Variants in OXNAD1 observed in about 807,000 individuals in gnomAD.
The protein encoded by OXNAD1 is oxidoreductase NAD binding domain containing 1, also known as oxidoreductase NAD-binding domain-containing protein 1.
OXNAD1 carries 34 observed loss-of-function variants against 32.9 expected under a neutral mutation model. The observed-to-expected ratio is 1.03, with a 90% confidence interval of 0.79 to 1.38. The LOEUF is 1.38. Ranked by LOEUF, OXNAD1 falls within the 40% of genes most tolerant of loss-of-function variation. The pLI, the probability that OXNAD1 is intolerant of heterozygous loss-of-function variation, is 0.00. For synonymous variants in OXNAD1, 134 were observed against 135.2 expected (o/e 0.99, Z 0.06); for missense variants, 407 against 379.4 (o/e 1.07, Z -0.60).
rs747984757 is a variant in OXNAD1 at position 16,345,389 on chromosome 3, C to CCCT, written c.*31-3786_*31-3784dup. The CCCT allele has an allele frequency of 1.3e-5, 2 of 151,972 alleles. No homozygotes were observed. Among genetic ancestry groups the CCCT allele is most frequent in the Non-Finnish European group, 2.9e-5 (2 of 68,026 alleles). 9.4% of individuals were successfully genotyped at this position (151,972 alleles called of 1,614,324 possible). A position where few individuals can be genotyped will look rare whatever the true frequency, so the allele number is the denominator to read the frequency against. On this transcript the variant is annotated intron_variant, in intron 9 of 9. Transcript: ENST00000606098. The surrounding 1 kb of genome is among the most constrained non-coding windows in gnomAD (Gnocchi z 5.2). Reference sequence around the variant, plus strand: ...ATATAGCCCCTGTTATCACATTGAGCCCTTAACTTGCCACAGGATGCATAA... The same window carrying CCCT: ...ATATAGCCCCTGTTATCACATTGAGCCCTCCTTAACTTGCCACAGGATGCATAA...
intron 1 of OXNAD1, among the ~76,000 whole-genome samples, chr3:16,267,521 T>TG (rs11395844): frequency 0.68 from 103,135 of 151,952 alleles, 35,926 homozygotes; most frequent in African/African-American, 0.84. Flanking sequence ...ATTTCTGTGT[T>TG]GGACCTTTGC....
At position 16,284,059 on chromosome 3, in the gene OXNAD1, G is replaced by A. The variant is rs1489274329; in HGVS notation, c.184-2283G>A. On this transcript the variant is annotated intron_variant, in intron 4 of 8. Transcript: ENST00000285083. This position sits in a 1 kb window ranked among gnomAD's most constrained non-coding sequence, Gnocchi z 4.1. ...AGCTGATTGTCTCAGTAGAGGAAGAGACGAAAGGCAAGATTTCTAAAATAT... is the reference window on the plus strand; with the variant it reads ...AGCTGATTGTCTCAGTAGAGGAAGAAACGAAAGGCAAGATTTCTAAAATAT... Among the ~76,000 whole-genome samples the A allele has an allele frequency of 6.6e-6, 1 of 152,174 alleles. No homozygotes were observed. The highest frequency in any genetic ancestry group is 2.4e-5 in the African/African-American group (1 of 41,436).
Position 16,327,894 on chromosome 3 carries a change from G to A in OXNAD1, c.*31-9218G>A, listed in dbSNP as rs767686478. ...CAACAGGCCTCATTTCTTACTACGGGTTCCTCACTAACACTCAAAGTGTAG... is the reference window on the plus strand; with the variant it reads ...CAACAGGCCTCATTTCTTACTACGGATTCCTCACTAACACTCAAAGTGTAG... On this transcript the variant is annotated intron_variant, in intron 9 of 9. Transcript: ENST00000435829. The surrounding 1 kb of genome is among the most constrained non-coding windows in gnomAD (Gnocchi z 4.2). 2.0e-5 allele frequency among the ~76,000 whole-genome samples: 3 copies of A among 152,154 alleles called. No individual in the cohort carries two copies. The highest frequency in any genetic ancestry group is 4.4e-5 in the Non-Finnish European group (3 of 68,018).
At chr3:16,270,656 T>C (rs774664333) in intron 2 of OXNAD1, among the ~76,000 whole-genome samples, 15 of 152,232 alleles carry the variant, frequency 9.9e-5, no homozygotes, top group Non-Finnish European at 4.4e-5. Flanking sequence ...ATAAGATTAG[T>C]CATGTGAACT....
At position 16,346,517 on chromosome 3, in the gene OXNAD1, T is replaced by C. The variant is rs1469684788; in HGVS notation, c.*31-2659T>C. 6.6e-6 allele frequency: 1 copy of C among 152,192 alleles called. No individual in the cohort carries two copies. The highest frequency in any genetic ancestry group is 1.5e-5 in the Non-Finnish European group (1 of 68,034). 9.4% of individuals were successfully genotyped at this position (152,192 alleles called of 1,614,324 possible). A position where few individuals can be genotyped will look rare whatever the true frequency, so the allele number is the denominator to read the frequency against. On this transcript the variant is annotated intron_variant, in intron 9 of 9. Coordinates refer to the OXNAD1 transcript ENST00000606098. This position sits in a 1 kb window ranked among gnomAD's most constrained non-coding sequence, Gnocchi z 4.4. ...TACCTCTAGGAGCATCCTGCCTTGCTAGTCCCCCTCAGTGGCACATTCTGT... is the reference window on the plus strand; with the variant it reads ...TACCTCTAGGAGCATCCTGCCTTGCCAGTCCCCCTCAGTGGCACATTCTGT...
At position 16,336,366 on chromosome 3, in the gene OXNAD1, A is replaced by G; in HGVS notation, c.*31-746A>G. ...ACATGGTTCCCATCCAGTGGAGCCCATGGAGGTGAGGTGGAGGGAGGGAGA... is the reference window on the plus strand; with the variant it reads ...ACATGGTTCCCATCCAGTGGAGCCCGTGGAGGTGAGGTGGAGGGAGGGAGA... On this transcript the variant is annotated intron_variant, in intron 9 of 9. Transcript: ENST00000435829. This position sits in a 1 kb window ranked among gnomAD's most constrained non-coding sequence, Gnocchi z 6.0. Among the ~76,000 whole-genome samples, 1 of 152,116 alleles carries G rather than the reference A, an allele frequency of 6.6e-6. No homozygotes were observed. Among genetic ancestry groups the G allele is most frequent in the East Asian group, 1.9e-4 (1 of 5,190 alleles).
chr3:16,341,172 T>A (rs1347216331), downstream of OXNAD1, among the ~76,000 whole-genome samples: 10 of 152,196 alleles, frequency 6.6e-5, no homozygotes. This position sits in a 1 kb window ranked among gnomAD's most constrained non-coding sequence, Gnocchi z 4.7. Context: ...CCGGTGAGGA[T>A]GTGGAACAAC....
chr3:16,310,182 A>G (rs971494123), downstream of OXNAD1, among the ~76,000 whole-genome samples: 3 of 152,234 alleles, frequency 2.0e-5, no homozygotes, highest in Non-Finnish European at 4.4e-5. Flanking sequence ...GACTGGATTG[A>G]TAGTTCCCCA....
At position 16,346,174 on chromosome 3, in the gene OXNAD1, ACATT is replaced by A. The variant is rs1273851654; in HGVS notation, c.*31-2997_*31-2994del. The A allele has an allele frequency of 6.6e-6, 1 of 152,184 alleles. No individual in the cohort carries two copies. Among genetic ancestry groups the A allele is most frequent in the African/African-American group, 2.4e-5 (1 of 41,448 alleles). 9.4% of individuals were successfully genotyped at this position (152,184 alleles called of 1,614,324 possible). A position where few individuals can be genotyped will look rare whatever the true frequency, so the allele number is the denominator to read the frequency against. ...TGAATGTGGAAAGGCCAGGGGGTGCACATTCATTTTTAATGACTACACACCTTCC... is the reference window on the plus strand; with the variant it reads ...TGAATGTGGAAAGGCCAGGGGGTGCACATTTTTAATGACTACACACCTTCC... On this transcript the variant is annotated intron_variant, in intron 9 of 9. Transcript: ENST00000606098. The surrounding 1 kb of genome is among the most constrained non-coding windows in gnomAD (Gnocchi z 4.4).
chr3:16,351,308 C>T (rs2125319503), downstream of OXNAD1, among the ~76,000 whole-genome samples: 1 of 152,248 alleles, frequency 6.6e-6, no homozygotes, highest in Admixed American at 6.5e-5. The surrounding 1 kb of genome is among the most constrained non-coding windows in gnomAD (Gnocchi z 5.4). Flanking sequence ...TCAGGAGCCT[C>T]CATACATATG....
At position 16,317,486 on chromosome 3, in the gene OXNAD1, ATTTC is replaced by A. The variant is rs2068533617; in HGVS notation, c.*30+13898_*30+13901del. ...TCAGGTTCTGTTGGGGCAGAGCAGTATTTCTTTTGACTGGCTCTATACCAAAGGC... is the reference window on the plus strand; with the variant it reads ...TCAGGTTCTGTTGGGGCAGAGCAGTATTTTGACTGGCTCTATACCAAAGGC... On this transcript the variant is annotated intron_variant, in intron 9 of 9. Coordinates refer to the OXNAD1 transcript ENST00000435829. The surrounding 1 kb of genome is among the most constrained non-coding windows in gnomAD (Gnocchi z 4.3). 6.6e-6 allele frequency among the ~76,000 whole-genome samples: 1 copy of A among 152,052 alleles called. No homozygotes were observed. Among genetic ancestry groups the A allele is most frequent in the Admixed American group, 6.5e-5 (1 of 15,280 alleles).
rs115431859 is a variant in OXNAD1, at chr3:16,299,680, A to G, written c.433-1946A>G. Reference sequence around the variant, plus strand: ...TGCTCACCTGACATGCAAGGTGCCAAGGTGTGAATGCTAAGGGTTTGGTTC... The same window carrying G: ...TGCTCACCTGACATGCAAGGTGCCAGGGTGTGAATGCTAAGGGTTTGGTTC... On this transcript the variant is annotated intron_variant, in intron 6 of 8. Transcript: ENST00000285083. The surrounding 1 kb of genome is among the most constrained non-coding windows in gnomAD (Gnocchi z 4.4). Among the ~76,000 whole-genome samples, 1 of 152,210 alleles carries G rather than the reference A, an allele frequency of 6.6e-6. No homozygotes were observed. The highest frequency in any genetic ancestry group is 6.5e-5 in the Admixed American group (1 of 15,282).
intron 9 of OXNAD1, among the ~76,000 whole-genome samples, chr3:16,333,925 G>A (rs2070588690): frequency 6.6e-6 from 1 of 152,210 alleles, no homozygotes; most frequent in Non-Finnish European, 1.5e-5. Context: ...CAGCACTTTG[G>A]GAGGCCGACG....
chr3:16,307,119 CTTTCA>C (rs944877824), downstream of OXNAD1, among the ~76,000 whole-genome samples: 37 of 152,292 alleles, frequency 2.4e-4, no homozygotes, highest in Admixed American at 1.7e-3. Flanking sequence ...TGCTTGATTT[CTTTCA>C]TTTATCAGTT....
At chr3:16,292,436 AC>A (rs765983630) in intron 5 of OXNAD1, among the ~76,000 whole-genome samples, 17 of 152,008 alleles carry the variant, frequency 1.1e-4, no homozygotes, top group Admixed American at 6.6e-5. Context: ...CAGGTGATCC[AC>A]CCACCTCGGC....
At chr3:16,269,383 T>TC in intron 2 of OXNAD1, 108 bp downstream of exon 2, 1 of 1,186,594 alleles carries the variant, frequency 8.4e-7, no homozygotes, top group Non-Finnish European at 1.2e-6. Flanking sequence ...GAAGAGGCCT[T>TC]CTGCTTTTTT....
At chr3:16,291,694 A>T (rs927654355) in intron 5 of OXNAD1, among the ~76,000 whole-genome samples, 1 of 152,240 alleles carries the variant, frequency 6.6e-6, no homozygotes, top group East Asian at 1.9e-4. Context: ...TAATGCTGCC[A>T]TGAACATTCA....
chr3:16,303,528 C>G lies in OXNAD1; in HGVS notation c.905C>G (p.Pro302Arg). 6.2e-7 allele frequency: 1 copy of G among 1,613,872 alleles called. No individual in the cohort carries two copies. Among genetic ancestry groups the G allele is most frequent in the Non-Finnish European group, 8.5e-7 (1 of 1,179,918 alleles). Residue 302 changes from proline (P) to arginine (R), a missense_variant, in exon 9 of 9, where the codon CCC (proline) becomes CGC (arginine). By Grantham distance (103) the Pro-to-Arg change is moderately radical. Coordinates refer to ENST00000285083, the MANE Select transcript of OXNAD1 (RefSeq NM_138381.5). The surrounding 1 kb of genome is among the most constrained non-coding windows in gnomAD (Gnocchi z 4.8). ...FSKQLENNHV[P>R]KEHICFEKWW is the part of the protein sequence containing the mutation. Reference sequence around the variant, plus strand: ...AAGCAACTGGAAAACAACCATGTACCCAAAGAACACATTTGCTTTGAGAAG... The same window carrying G: ...AAGCAACTGGAAAACAACCATGTACGCAAAGAACACATTTGCTTTGAGAAG...
intron 5 of OXNAD1, among the ~76,000 whole-genome samples, chr3:16,293,427 A>G (rs887012033): frequency 6.6e-6 from 1 of 152,206 alleles, no homozygotes; most frequent in Admixed American, 6.5e-5. Flanking sequence ...TAGTGAATAC[A>G]TTAGTATTTT....
Sources: gnomAD v4.1 joint callset for allele counts (sites outside exome capture counted in the v4.1 genomes callset) on GRCh38, gnomAD v4.1.1 for gene constraint, Gnocchi (gnomAD v3.1) non-coding constraint, MANE v1.5 for transcripts, NCBI Gene and HGNC (gene_info 2026-07-23, HGNC 2026-07-21) for gene names.